The following SACS variants were observed in gnomAD, a reference collection of about 807,000 sequenced individuals.
The protein encoded by SACS is sacsin molecular chaperone, also known as sacsin.
Under a neutral mutation model 348.0 loss-of-function variants are expected in SACS, and 197 were observed. The observed-to-expected ratio is 0.57, with a 90% confidence interval of 0.50 to 0.64. The LOEUF (loss-of-function observed/expected upper bound fraction) is 0.64. Among genes scored for constraint, SACS ranks in the 30% least tolerant of loss-of-function variants. SACS has a pLI of 0.00. For missense variants in SACS, 4,999 were observed against 5,360.8 expected, an observed-to-expected ratio of 0.93 and a Z score of 2.11; for synonymous variants, 1,985 against 1,910.6, an observed-to-expected ratio of 1.04 and a Z score of -1.02.
chr13:23,334,686 C>A lies in SACS; in HGVS notation c.9190G>T (p.Glu3064Ter). 1 of 1,613,666 alleles carries A rather than the reference C, an allele frequency of 6.2e-7. No individual in the cohort carries two copies. Among genetic ancestry groups the A allele is most frequent in the Non-Finnish European group, 8.5e-7 (1 of 1,179,728 alleles). The change falls in exon 10 of 10, where the codon GAA becomes TAA. Residue 3064 changes from glutamate to a stop codon, truncating the protein, a stop_gained. Transcript: ENST00000382292. LOFTEE classifies it high-confidence loss of function. ...NVYRLKHLLL[E>*]IGFNLVYNCD... ...TTATAAACCAAGTTGAAACCAATTT[C>A]TAAAAGGAGATGTTTCAGCCTATAG...
chr13:23,409,708 A>G (rs901193870), intron 2 of SACS, among the ~76,000 whole-genome samples: 1 of 151,830 alleles, frequency 6.6e-6, no homozygotes, highest in Admixed American at 6.6e-5. Flanking sequence ...CAAAACATCT[A>G]CTCTGTGTGT....
chr13:23,338,504 GC>G lies in SACS; in HGVS notation c.5371del (p.Ala1791LeufsTer23). ...GCCAGACTTAGCCATTTCAAAGAGA[GC>G]AGCTGGGTCATCATCTGGACCTCTA... ...LFRGPDDDPA[A>X]LFEMAKSGQS... On this transcript the variant is annotated frameshift_variant, in exon 10 of 10. Transcript: ENST00000382292. LOFTEE classifies it high-confidence loss of function. 6.2e-7 allele frequency: 1 copy of G among 1,614,194 alleles called. No homozygotes were observed. Among genetic ancestry groups the G allele is most frequent in the Non-Finnish European group, 8.5e-7 (1 of 1,180,020 alleles).
chr13:23,430,199 C>T (rs376773174), intron 1 of SACS, among the ~76,000 whole-genome samples: 1 of 149,516 alleles, frequency 6.7e-6, no homozygotes, highest in African/African-American at 2.5e-5. Context: ...CAGAGTTAGA[C>T]AACATCTCAA....
At chr13:23,384,895 G>A (rs545932767) in intron 2 of SACS, among the ~76,000 whole-genome samples, 10 of 152,096 alleles carry the variant, frequency 6.6e-5, no homozygotes, top group Non-Finnish European at 7.4e-5. Flanking sequence ...TTGTTTTCCC[G>A]GTGCAGATAA....
rs1169978851 is a variant in SACS at position 23,329,525 on chromosome 13, G to A, written c.*611C>T. ...GTTAAAAAAAAATTTAAATAAAGAT[G>A]TAAAGTGCACTCAGTGCACTCTAAA... On this transcript the variant is annotated 3_prime_UTR_variant, in exon 10 of 10. Coordinates refer to ENST00000382292, the MANE Select transcript of SACS (RefSeq NM_014363.6). The A allele has an allele frequency of 4.2e-6, 3 of 706,386 alleles. No homozygotes were observed. The South Asian group carries it at 4.8e-5, about 11-fold the overall frequency. 43.8% of individuals were successfully genotyped at this position (706,386 alleles called of 1,614,324 possible). A position where few individuals can be genotyped will look rare whatever the true frequency, so the allele number is the denominator to read the frequency against.
rs786204416 is a variant in SACS at position 23,333,408 on chromosome 13, AAG to A, written c.10466_10467del (p.Ser3489LeufsTer2). On this transcript the variant is annotated frameshift_variant, in exon 10 of 10. Transcript: ENST00000382292. LOFTEE classifies it high-confidence loss of function. ...KHLLPKIENL[S>X]YDAKLEHLIY... ...ATCAAGTGCTCTAATTTTGCATCAT[AAG>A]AGAGATTTTCAATTTTTGGTAAGAG... is the stretch of plus-strand genomic sequence containing the variant. 4.3e-6 allele frequency: 7 copies of A among 1,609,538 alleles called. No individual in the cohort carries two copies. The highest frequency in any genetic ancestry group is 1.3e-5 in the African/African-American group (1 of 74,598).
chr13:23,401,317 C>T lies in SACS; in HGVS notation c.20+9903G>A, dbSNP rs183079732. Among the ~76,000 whole-genome samples, 421 of 152,332 alleles carry T rather than the reference C, an allele frequency of 2.8e-3. 2 individuals are homozygous for T. Among genetic ancestry groups the T allele is most frequent in the Non-Finnish European group, 4.3e-3 (293 of 68,034 alleles). ...ATCTGATTTGCCTCCTTTGGAAAGA[C>T]TAATCAGAAACTCAAAGGAATGCAA... On this transcript the variant is annotated intron_variant, in intron 2 of 9. Transcript: ENST00000382292.
Position 23,336,212 on chromosome 13 carries a change from TC to T in SACS, c.7663del (p.Asp2555MetfsTer70). The T allele has an allele frequency of 6.2e-7, 1 of 1,614,096 alleles. No homozygotes were observed. The highest frequency in any genetic ancestry group is 8.5e-7 in the Non-Finnish European group (1 of 1,179,944). ...MLKELLQNADDAKATEICFVF... is the reference protein window; with the variant it reads ...MLKELLQNADXAKATEICFVF... ...AAAACAGATTTCTGTCGCCTTTGCA[TC>T]ATCAGCATTTTGAAGAAGCTCTTTC... is the stretch of plus-strand genomic sequence containing the variant. On this transcript the variant is annotated frameshift_variant, in exon 10 of 10. Transcript: ENST00000382292. LOFTEE classifies it high-confidence loss of function.
intron 6 of SACS, among the ~76,000 whole-genome samples, chr13:23,359,901 T>C (rs993567652): frequency 8.5e-5 from 13 of 152,126 alleles, no homozygotes; most frequent in African/African-American, 2.9e-4. Context: ...TGTGACCCAG[T>C]TTGTTTTACA....
intron 2 of SACS, among the ~76,000 whole-genome samples, chr13:23,394,148 AC>A (rs1223121317): frequency 6.6e-6 from 1 of 152,060 alleles, no homozygotes. Context: ...TTTCAGCCTC[AC>A]CCCTGATCTC....
At chr13:23,419,717 T>A (rs754258509) in intron 1 of SACS, among the ~76,000 whole-genome samples, 6 of 152,198 alleles carry the variant, frequency 3.9e-5, no homozygotes, top group Non-Finnish European at 8.8e-5. Flanking sequence ...GTGTTGGTTG[T>A]GGGAGTTTCA....
chr13:23,407,466 T>G (rs1379387442), intron 2 of SACS, among the ~76,000 whole-genome samples: 1 of 152,236 alleles, frequency 6.6e-6, no homozygotes, highest in African/African-American at 2.4e-5. Flanking sequence ...CCCAAAGTGC[T>G]GGGATTACAG....
At chr13:23,378,001 A>G (rs1424332985) in intron 2 of SACS, among the ~76,000 whole-genome samples, 1 of 152,216 alleles carries the variant, frequency 6.6e-6, no homozygotes, top group Non-Finnish European at 1.5e-5. Flanking sequence ...AGGTAGACAC[A>G]ATTGCTTCGC....
Position 23,337,423 on chromosome 13 carries a change from TAACTG to T in SACS, c.6448_6452del (p.Gln2150ArgfsTer6), listed in dbSNP as rs1057516635. On this transcript the variant is annotated frameshift_variant, in exon 10 of 10. Transcript: ENST00000382292. LOFTEE classifies it high-confidence loss of function. ...ATAAAATATCATCTTTTGCCATACC[TAACTG>T]AACTAGTTTAATCAAAATAATAGGA... The T allele has an allele frequency of 1.2e-6, 2 of 1,612,656 alleles. No homozygotes were observed. Among genetic ancestry groups the T allele is most frequent in the Non-Finnish European group, 1.7e-6 (2 of 1,179,420 alleles).
chr13:23,433,660 G>A lies in SACS; in HGVS notation c.-547C>T, dbSNP rs2138036895. The A allele has an allele frequency of 1.3e-5, 2 of 152,484 alleles. No individual in the cohort carries two copies. Among genetic ancestry groups the A allele is most frequent in the South Asian group, 2.1e-4 (1 of 4,836 alleles). The allele number at this position is 152,484 out of a possible 1,614,324, so 9.4% of individuals were successfully genotyped here. ...GTCTCTCGGCCTTTGTTTTCCTCCA[G>A]TGCCATCAGCAGTTCCCAGCGTGAC... On this transcript the variant is annotated 5_prime_UTR_variant, in exon 1 of 10. Transcript: ENST00000382292.
rs754439135 is a variant in SACS at position 23,338,724 on chromosome 13, A to AT, written c.5151dup (p.Ser1718IlefsTer20). 1.6e-5 allele frequency: 25 copies of AT among 1,605,792 alleles called. No individual in the cohort carries two copies. Among genetic ancestry groups the AT allele is most frequent in the South Asian group, 5.6e-5 (5 of 89,562 alleles). ...GTGTTCAATGCTTTGGAAGAGCAGGATTTTTTTTTAATTATTACTGTATCT... is the reference window on the plus strand; with the variant it reads ...GTGTTCAATGCTTTGGAAGAGCAGGATTTTTTTTTTAATTATTACTGTATCT... On this transcript the variant is annotated frameshift_variant, in exon 10 of 10. Transcript: ENST00000382292. LOFTEE classifies it high-confidence loss of function.
intron 6 of SACS, among the ~76,000 whole-genome samples, chr13:23,360,071 C>G (rs1870634025): frequency 6.6e-6 from 1 of 152,120 alleles, no homozygotes; most frequent in Admixed American, 6.6e-5. Flanking sequence ...CTAAAGCCAT[C>G]AAGGCTCCAT....
At chr13:23,393,863 C>T (rs1023327292) in intron 2 of SACS, among the ~76,000 whole-genome samples, 2 of 152,166 alleles carry the variant, frequency 1.3e-5, no homozygotes, top group African/African-American at 4.8e-5. Context: ...TGGGTTCACA[C>T]CATTCTCCTG....
intron 2 of SACS, among the ~76,000 whole-genome samples, chr13:23,399,033 A>AAAAAAAAAAAC (rs1872839070): frequency 6.6e-6 from 1 of 150,858 alleles, no homozygotes; most frequent in Non-Finnish European, 1.5e-5. Flanking sequence ...AAAAAAAAAA[A>AAAAAAAAAAAC]AAAACATGGA....
Sources: gnomAD v4.1 joint callset for allele counts (sites outside exome capture counted in the v4.1 genomes callset) on GRCh38, gnomAD v4.1.1 for gene constraint, MANE v1.5 for transcripts, NCBI Gene and HGNC (gene_info 2026-07-23, HGNC 2026-07-21) for gene names.